ARHGAP44: variants seen among roughly 807,000 people sequenced by gnomAD.
ARHGAP44 encodes the protein Rho GTPase activating protein 44.
Under a neutral mutation model 106.8 loss-of-function variants are expected in ARHGAP44, and 43 were observed. That is an observed-to-expected ratio of 0.40 (90% CI 0.32 to 0.52). ARHGAP44 has a LOEUF of 0.52. Ranked by LOEUF, ARHGAP44 falls within the 20% of genes least tolerant of loss-of-function variation. The pLI is 0.48. For synonymous variants in ARHGAP44, 439 were observed against 410.3 expected (o/e 1.07, Z -0.85); for missense variants, 866 against 1,050.5 (o/e 0.82, Z 2.43).
At position 12,934,298 on chromosome 17, in the gene ARHGAP44, G is replaced by C. The variant is rs184177833; in HGVS notation, c.582+5252G>C. Among the ~76,000 whole-genome samples the C allele has an allele frequency of 1.8e-4, 28 of 152,132 alleles. No homozygotes were observed. In the East Asian group the frequency reaches 4.8e-3, roughly 26 times the overall value. On this transcript the variant is annotated intron_variant, in intron 7 of 20. Transcript: ENST00000379672. Reference sequence around the variant, plus strand: ...TTTTGAAAGTCAAACTTGAGTCTGGGAAAGACAACAACAGCAGGACAGATG... The same window carrying C: ...TTTTGAAAGTCAAACTTGAGTCTGGCAAAGACAACAACAGCAGGACAGATG...
chr17:12,910,278 T>C lies in ARHGAP44; in HGVS notation c.275+1305T>C, dbSNP rs78553035. 7.2e-3 allele frequency among the ~76,000 whole-genome samples: 1,047 copies of C among 145,498 alleles called. 15 individuals are homozygous for C. The highest frequency in any genetic ancestry group is 0.024 in the African/African-American group (911 of 38,524). On this transcript the variant is annotated intron_variant, in intron 4 of 20. Coordinates refer to ENST00000379672, the MANE Select transcript of ARHGAP44 (RefSeq NM_014859.6). Reference sequence around the variant, plus strand: ...GAGGAAACTTTTTTTTTTTTTTTTTTCCTCTCTCTAAACATCTTAGGTTCT... The same window carrying C: ...GAGGAAACTTTTTTTTTTTTTTTTTCCCTCTCTCTAAACATCTTAGGTTCT...
Position 12,980,103 on chromosome 17 carries a change from A to G in ARHGAP44, c.1809A>G (p.Gly603=). 1.2e-6 allele frequency: 2 copies of G among 1,613,656 alleles called. No individual in the cohort carries two copies. Among genetic ancestry groups the G allele is most frequent in the Non-Finnish European group, 1.7e-6 (2 of 1,179,668 alleles). ...KELSPGSAQK[G]SPGSSQGTAC... ...TTTCTCCAGGCTCTGCACAGAAAGG[A>G]AGTCCAGGCTCCAGCCAGGGCACAG... The change falls in exon 19 of 21, where the codon GGA becomes GGG. Residue 603 remains glycine, a synonymous_variant. Coordinates refer to ENST00000379672, the MANE Select transcript of ARHGAP44 (RefSeq NM_014859.6).
At chr17:12,819,749 T>C (rs1026750823) in intron 1 of ARHGAP44, among the ~76,000 whole-genome samples, 3 of 152,076 alleles carry the variant, frequency 2.0e-5, no homozygotes, top group African/African-American at 4.8e-5. Context: ...CCTTTGCTTA[T>C]GCCAAAAATG....
chr17:12,865,648 G>T (rs1204640939), intron 1 of ARHGAP44, among the ~76,000 whole-genome samples: 1 of 152,074 alleles, frequency 6.6e-6, no homozygotes, highest in African/African-American at 2.4e-5. Context: ...AATTAGCTGG[G>T]CGTGGTGGCG....
chr17:12,860,252 C>T lies in ARHGAP44; in HGVS notation c.54-34688C>T, dbSNP rs746341382. On this transcript the variant is annotated intron_variant, in intron 1 of 20. Coordinates refer to ENST00000379672, the MANE Select transcript of ARHGAP44 (RefSeq NM_014859.6). The stretch of plus-strand genomic sequence containing the variant: ...TATCCAGCTGTTCAGTTTTATATAG[C>T]TATTCTTCCCTCCCCACTTCAATTT... 1.6e-3 allele frequency among the ~76,000 whole-genome samples: 239 copies of T among 152,302 alleles called. 1 individual carries two copies. The highest frequency in any genetic ancestry group is 3.4e-3 in the Middle Eastern group (1 of 294).
chr17:12,894,257 T>C (rs955827294), intron 1 of ARHGAP44, among the ~76,000 whole-genome samples: 3 of 151,742 alleles, frequency 2.0e-5, no homozygotes, highest in African/African-American at 4.8e-5. Flanking sequence ...TGTGTGTGTG[T>C]GTGCACGTGC....
chr17:12,838,400 C>T (rs2035297595), intron 1 of ARHGAP44, among the ~76,000 whole-genome samples: 1 of 152,094 alleles, frequency 6.6e-6, no homozygotes, highest in African/African-American at 2.4e-5. Flanking sequence ...GATGTTTTTT[C>T]TTTAGTAATT....
intron 6 of ARHGAP44, among the ~76,000 whole-genome samples, chr17:12,927,433 CTT>C (rs1461046409): frequency 6.6e-6 from 1 of 152,176 alleles, no homozygotes; most frequent in Admixed American, 6.5e-5. Context: ...ATTCTTGACT[CTT>C]GACATGAGAA....
Position 12,919,805 on chromosome 17 carries a change from G to A in ARHGAP44, c.438G>A (p.Val146=), listed in dbSNP as rs1297301120. ...AGAGGAAACACTTAGCCAAGTTGGTGCTGGACATGGATTCCTCACGAACCA... is the reference window on the plus strand; with the variant it reads ...AGAGGAAACACTTAGCCAAGTTGGTACTGGACATGGATTCCTCACGAACCA... ...QKQRKHLAKL[V]LDMDSSRTRW... is the part of the protein sequence containing the mutation. The change falls in exon 6 of 21, where the codon GTG becomes GTA. Residue 146 remains valine (V), a synonymous_variant. Transcript: ENST00000379672. 1 of 1,613,204 alleles carries A rather than the reference G, an allele frequency of 6.2e-7. No individual in the cohort carries two copies. Among genetic ancestry groups the A allele is most frequent in the African/African-American group, 1.3e-5 (1 of 74,922 alleles).
intron 7 of ARHGAP44, among the ~76,000 whole-genome samples, chr17:12,930,463 C>T (rs1403408913): frequency 6.6e-6 from 1 of 152,148 alleles, no homozygotes; most frequent in African/African-American, 2.4e-5. Context: ...GTCATGAACT[C>T]CTGATCTCAG....
rs75002526 is a variant in ARHGAP44, at chr17:12,811,444, T to C, written c.53+21553T>C. Among the ~76,000 whole-genome samples, 692 of 151,976 alleles carry C rather than the reference T, an allele frequency of 4.6e-3. 25 individuals carry two copies. In the East Asian group the frequency reaches 0.08, roughly 18 times the overall value. On this transcript the variant is annotated intron_variant, in intron 1 of 20. Transcript: ENST00000379672. The stretch of plus-strand genomic sequence containing the variant: ...TGAGAGGGAGAAGGAAGAGGATGGG[T>C]TGGTCTTGCTGTCTCAAGGGTGGCA...
At chr17:12,849,216 T>G (rs2035664869) in intron 1 of ARHGAP44, among the ~76,000 whole-genome samples, 1 of 149,858 alleles carries the variant, frequency 6.7e-6, no homozygotes, top group Non-Finnish European at 1.5e-5. Flanking sequence ...GAGGTGGGCG[T>G]GTGTGTGTGT....
intron 1 of ARHGAP44, among the ~76,000 whole-genome samples, chr17:12,859,395 G>A (rs542209442): frequency 6.6e-6 from 1 of 152,308 alleles, no homozygotes; most frequent in South Asian, 2.1e-4. Context: ...GCAGCCATAG[G>A]GAACTAATAC....
At chr17:12,828,636 C>CTTTT (rs34860101) in intron 1 of ARHGAP44, among the ~76,000 whole-genome samples, 3,231 of 92,986 alleles carry the variant, frequency 0.035, 72 homozygotes, top group Non-Finnish European at 0.047. Flanking sequence ...TTTTTTCTTT[C>CTTTT]TTTTTTTTTT....
chr17:12,974,226 TGCCGGAGCA>T lies in ARHGAP44; in HGVS notation c.1683_1691del (p.Glu562_Pro564del), dbSNP rs1443733146. The T allele has an allele frequency of 5.2e-6, 8 of 1,546,138 alleles. No homozygotes were observed. The highest frequency in any genetic ancestry group is 2.4e-5 in the East Asian group (1 of 40,818). On this transcript the variant is annotated inframe_deletion, in exon 18 of 21. Transcript: ENST00000379672. ...CTGGCTGCGCCCCTGCCTTCGCCGC[TGCCGGAGCA>T]GCCCCTGGACAGCCCCGCGGCCCCC...
intron 16 of ARHGAP44, among the ~76,000 whole-genome samples, chr17:12,970,365 C>CAAAAAAAAAAAAAAAAA (rs66577680): frequency 1.8e-5 from 1 of 55,194 alleles, no homozygotes; most frequent in Non-Finnish European, 4.2e-5. Context: ...GACCCTGTCT[C>CAAAAAAAAAAAAAAAAA]AAAAAAAAAA....
At chr17:12,973,466 TAGAATC>T in intron 17 of ARHGAP44, 147 bp downstream of exon 17, 1 of 801,368 alleles carries the variant, frequency 1.2e-6, no homozygotes, top group South Asian at 1.7e-5. Flanking sequence ...ATCATTAAAA[TAGAATC>T]AGAGCCCAGA....
intron 1 of ARHGAP44, among the ~76,000 whole-genome samples, chr17:12,841,482 G>A (rs1303411693): frequency 6.6e-6 from 1 of 151,822 alleles, no homozygotes; most frequent in African/African-American, 2.4e-5. Flanking sequence ...TTACTTGGGA[G>A]GCTAAGGCAG....
At chr17:12,796,337 C>T (rs78593131) in intron 1 of ARHGAP44, among the ~76,000 whole-genome samples, 4 of 152,122 alleles carry the variant, frequency 2.6e-5, no homozygotes, top group Non-Finnish European at 5.9e-5. Flanking sequence ...TTTTGCTACT[C>T]ACTTAGCAAA....
Sources: gnomAD v4.1 joint callset for allele counts (sites outside exome capture counted in the v4.1 genomes callset) on GRCh38, gnomAD v4.1.1 for gene constraint, MANE v1.5 for transcripts, NCBI Gene and HGNC (gene_info 2026-07-23, HGNC 2026-07-21) for gene names.